Variants in GBA1 observed in about 807,000 individuals in gnomAD.
GBA1 encodes the protein lysosomal acid glucosylceramidase.
At chr1:155,236,518 A>G in the GBA1 span, 1 of 1,422,202 alleles carries the variant, frequency 7.0e-7, no homozygotes, top group Non-Finnish European at 9.9e-7. Context: ...AGGCTTCTGG[A>G]ACTTCTAGTT....
chr1:155,237,134 T>C, the GBA1 span, among the ~76,000 whole-genome samples: 1 of 152,224 alleles, frequency 6.6e-6, no homozygotes, highest in Non-Finnish European at 1.5e-5. Context: ...CTTCCCAAAG[T>C]GCTGGGTTTG....
chr1:155,239,171 T>TTG, the GBA1 span, among the ~76,000 whole-genome samples: 3 of 150,938 alleles, frequency 2.0e-5, no homozygotes, highest in African/African-American at 7.3e-5. Context: ...TGAGCTGAGA[T>TTG]TGTGCCACTG....
the GBA1 span, chr1:155,235,509 G>A: frequency 2.5e-5 from 26 of 1,055,512 alleles, no homozygotes; most frequent in Non-Finnish European, 3.1e-5. Flanking sequence ...GGGGTTTTCT[G>A]TTGCTACCTA....
the GBA1 span, among the ~76,000 whole-genome samples, chr1:155,237,122 G>A: frequency 7.2e-5 from 11 of 152,008 alleles, no homozygotes; most frequent in East Asian, 1.4e-3. Context: ...CACCCGCCTC[G>A]GCTTCCCAAA....
chr1:155,236,868 G>C, the GBA1 span, among the ~76,000 whole-genome samples: 1 of 151,738 alleles, frequency 6.6e-6, no homozygotes, highest in Non-Finnish European at 1.5e-5. Context: ...AGATAGTTTT[G>C]TTTTGTTTTG....
At chr1:155,236,056 G>A in the GBA1 span, 10 of 731,398 alleles carry the variant, frequency 1.4e-5, no homozygotes, top group Admixed American at 6.7e-5. Flanking sequence ...CTCAGTAGTT[G>A]CAAAAGGGGC....
chr1:155,240,664 T>C, the GBA1 span: 1 of 1,613,722 alleles, frequency 6.2e-7, no homozygotes, highest in Non-Finnish European at 8.5e-7. Context: ...GTAGAAGCAA[T>C]CCTGTGAGGC....
chr1:155,239,592 T>A, the GBA1 span: 2 of 1,613,966 alleles, frequency 1.2e-6, no homozygotes, highest in South Asian at 1.1e-5. Flanking sequence ...TGGCTCTATG[T>A]CATCTTGTCC....
At chr1:155,237,661 A>T in the GBA1 span, 1 of 1,586,550 alleles carries the variant, frequency 6.3e-7, no homozygotes. Context: ...CTGTAATCCC[A>T]GCACTTTGGG....
At chr1:155,235,902 T>A in the GBA1 span, 1 of 1,607,348 alleles carries the variant, frequency 6.2e-7, no homozygotes, top group Non-Finnish European at 8.5e-7. Context: ...CCCCAGAGAG[T>A]GTAGGTAAGG....
the GBA1 span, chr1:155,241,273 T>C: frequency 1.4e-6 from 1 of 705,516 alleles, no homozygotes; most frequent in South Asian, 1.6e-5. Flanking sequence ...GGATGGGTCA[T>C]GTGATGACTA....
the GBA1 span, chr1:155,240,061 G>A: frequency 3.1e-6 from 5 of 1,613,744 alleles, no homozygotes; most frequent in Admixed American, 5.0e-5. Flanking sequence ...AGCTTTTAGG[G>A]ATGCAGGGGC....
chr1:155,240,862 G>T, the GBA1 span: 1 of 854,726 alleles, frequency 1.2e-6, no homozygotes, highest in Non-Finnish European at 2.0e-6. Flanking sequence ...CCTGGGTGCA[G>T]CTCTCCCTGC....
chr1:155,239,319 C>T, the GBA1 span, among the ~76,000 whole-genome samples: 1 of 152,036 alleles, frequency 6.6e-6, no homozygotes, highest in Non-Finnish European at 1.5e-5. Context: ...CATTTGAGGT[C>T]AGGAGTTTAA....
At chr1:155,241,671 C>G in the GBA1 span, among the ~76,000 whole-genome samples, 1 of 152,024 alleles carries the variant, frequency 6.6e-6, no homozygotes, top group Non-Finnish European at 1.5e-5. Flanking sequence ...AAGACAGAAA[C>G]GGTAACAGGT....
the GBA1 span, chr1:155,239,027 G>A: frequency 6.0e-6 from 2 of 333,850 alleles, no homozygotes; most frequent in Admixed American, 4.1e-5. Flanking sequence ...AATCATCCTG[G>A]CCAACATAGT....
chr1:155,237,631 C>T, the GBA1 span: 1 of 1,604,994 alleles, frequency 6.2e-7, no homozygotes, highest in Non-Finnish European at 8.5e-7. Context: ...ACCAGACCAG[C>T]TGGGTGTGGT....
the GBA1 span, chr1:155,240,489 C>T: frequency 2.5e-6 from 2 of 784,584 alleles, no homozygotes; most frequent in East Asian, 2.4e-5. Context: ...AAATCCTCAC[C>T]CCAAAGTTGG....
chr1:155,239,535 G>T, the GBA1 span: 1 of 1,482,352 alleles, frequency 6.7e-7, no homozygotes. Flanking sequence ...GTGAGATTCT[G>T]CCTCAAAAAA....
Sources: gnomAD v4.1 joint callset for allele counts (sites outside exome capture counted in the v4.1 genomes callset) on GRCh38, gnomAD v4.1.1 for gene constraint, MANE v1.5 for transcripts, NCBI Gene and HGNC (gene_info 2026-07-23, HGNC 2026-07-21) for gene names.